The following PACRG variants were observed in gnomAD, a reference collection of about 807,000 sequenced individuals.
The protein encoded by PACRG is parkin coregulated gene protein.
PACRG carries 29 observed loss-of-function variants against 29.7 expected under a neutral mutation model. That is an observed-to-expected ratio of 0.98 (90% CI 0.73 to 1.33). The LOEUF is 1.33. Among genes scored for constraint, PACRG ranks in the 40% most tolerant of loss-of-function variants. The probability of loss-of-function intolerance (pLI) is 0.00; values close to 1 mark genes in which losing one functional copy is unlikely to be tolerated. For missense variants in PACRG, 279 were observed against 316.2 expected (o/e 0.88, Z 0.89); for synonymous variants, 116 against 118.7 (o/e 0.98, Z 0.15).
intron 2 of PACRG, among the ~76,000 whole-genome samples, chr6:163,012,565 G>T (rs1328174129): frequency 6.6e-6 from 1 of 152,210 alleles, no homozygotes; most frequent in Non-Finnish European, 1.5e-5. Flanking sequence ...GCCCTGGCAG[G>T]TGCTTTCTCA....
At chr6:163,309,612 C>T (rs1785330127) in intron 4 of PACRG, among the ~76,000 whole-genome samples, 1 of 152,228 alleles carries the variant, frequency 6.6e-6, no homozygotes, top group Non-Finnish European at 1.5e-5. Flanking sequence ...TCAGTCACCT[C>T]TTAACCATTT....
intron 2 of PACRG, among the ~76,000 whole-genome samples, chr6:163,013,616 A>G (rs1317664167): frequency 6.6e-6 from 1 of 152,182 alleles, no homozygotes; most frequent in Admixed American, 6.5e-5. Context: ...GGAGCTGTGC[A>G]CATCTGAATG....
At chr6:163,010,715 C>T (rs1805529837) in intron 2 of PACRG, among the ~76,000 whole-genome samples, 3 of 152,330 alleles carry the variant, frequency 2.0e-5, no homozygotes, top group Admixed American at 6.5e-5. Flanking sequence ...ATTGCAAATT[C>T]GGTCACTCAA....
rs554465194 is a variant in PACRG, at chr6:162,882,139, A to G, written c.291+67858A>G. On this transcript the variant is annotated intron_variant, in intron 2 of 4. Coordinates refer to ENST00000366888, the MANE Select transcript of PACRG (RefSeq NM_001080379.2). The stretch of plus-strand genomic sequence containing the variant: ...GAACAGAGACCAAGGGGTGATCTCT[A>G]CCAAGACCAGAGACCCGGGGGCGCT... Among the ~76,000 whole-genome samples, 25 of 140,130 alleles carry G rather than the reference A, an allele frequency of 1.8e-4. No homozygotes were observed. In the South Asian group the frequency reaches 6.4e-3, roughly 36 times the overall value. 91.9% of individuals were successfully genotyped at this position (140,130 alleles called of 152,430 possible). A position where few individuals can be genotyped will look rare whatever the true frequency, so the allele number is the denominator to read the frequency against.
intron 4 of PACRG, among the ~76,000 whole-genome samples, chr6:163,273,777 T>C (rs1360457624): frequency 2.0e-5 from 3 of 152,158 alleles, no homozygotes; most frequent in Non-Finnish European, 4.4e-5. Context: ...AAGCCATCTT[T>C]TGGACTTATT....
At chr6:163,240,251 G>A (rs1304471751) in intron 4 of PACRG, among the ~76,000 whole-genome samples, 1 of 149,390 alleles carries the variant, frequency 6.7e-6, no homozygotes, top group Non-Finnish European at 1.5e-5. Flanking sequence ...GGAGGAGGAG[G>A]GGGGGACGTG....
At chr6:163,053,214 T>C (rs1304099823) in intron 2 of PACRG, among the ~76,000 whole-genome samples, 1 of 152,152 alleles carries the variant, frequency 6.6e-6, no homozygotes, top group Non-Finnish European at 1.5e-5. Flanking sequence ...AAAATGACTA[T>C]TTGTGAATCT....
chr6:163,085,517 C>A (rs1813476647), intron 3 of PACRG, among the ~76,000 whole-genome samples: 1 of 152,180 alleles, frequency 6.6e-6, no homozygotes, highest in Non-Finnish European at 1.5e-5. Context: ...CAAACGATCC[C>A]AAGAAAGACA....
chr6:162,758,799 T>C (rs985536857), intron 1 of PACRG, among the ~76,000 whole-genome samples: 5 of 152,188 alleles, frequency 3.3e-5, no homozygotes, highest in Admixed American at 6.5e-5. Context: ...ACATTTGCTA[T>C]TTTTATTCAT....
At chr6:162,995,030 G>C (rs906368012) in intron 2 of PACRG, among the ~76,000 whole-genome samples, 2 of 151,052 alleles carry the variant, frequency 1.3e-5, no homozygotes, top group African/African-American at 4.9e-5. Context: ...CCTGCTGGGG[G>C]GTGCCTCCCA....
intron 1 of PACRG, among the ~76,000 whole-genome samples, chr6:162,771,799 C>A (rs1456977149): frequency 6.6e-6 from 1 of 152,002 alleles, no homozygotes; most frequent in Non-Finnish European, 1.5e-5. Flanking sequence ...AAAGTGTATT[C>A]CATTTATTAT....
chr6:163,297,126 C>T (rs562942142), intron 4 of PACRG, among the ~76,000 whole-genome samples: 7 of 152,246 alleles, frequency 4.6e-5, no homozygotes, highest in African/African-American at 9.6e-5. Context: ...TTTCTTCCTG[C>T]GACGAAGCTT....
At chr6:163,240,946 C>T (rs1169263238) in intron 4 of PACRG, among the ~76,000 whole-genome samples, 5 of 152,200 alleles carry the variant, frequency 3.3e-5, no homozygotes, top group Non-Finnish European at 5.9e-5. Flanking sequence ...AAAGACTTCT[C>T]ATAACATCTG....
At chr6:162,985,987 T>G (rs1318469538) in intron 2 of PACRG, among the ~76,000 whole-genome samples, 1 of 151,686 alleles carries the variant, frequency 6.6e-6, no homozygotes, top group African/African-American at 2.4e-5. Flanking sequence ...AATAAAATAC[T>G]TAGGAATGTA....
At position 163,078,223 on chromosome 6, in the gene PACRG, G is replaced by A. The variant is rs189364794; in HGVS notation, c.464-11036G>A. Among the ~76,000 whole-genome samples the A allele has an allele frequency of 1.6e-3, 251 of 152,250 alleles. 1 individual carries two copies. Among genetic ancestry groups the A allele is most frequent in the African/African-American group, 4.6e-3 (192 of 41,560 alleles). Reference sequence around the variant, plus strand: ...CTTATAAAATTGGGGCAATAGGACCGGGCGCAGTGGCTCACACCTGTAATC... The same window carrying A: ...CTTATAAAATTGGGGCAATAGGACCAGGCGCAGTGGCTCACACCTGTAATC... On this transcript the variant is annotated intron_variant, in intron 3 of 4. Transcript: ENST00000366888.
chr6:162,889,050 G>A (rs114232019), intron 2 of PACRG, among the ~76,000 whole-genome samples: 1,783 of 152,260 alleles, frequency 0.012, 32 homozygotes, highest in African/African-American at 0.041. Context: ...GTCAAAAAAT[G>A]AGCATTATTT....
intron 4 of PACRG, among the ~76,000 whole-genome samples, chr6:163,234,238 G>A (rs1183299066): frequency 7.6e-5 from 6 of 78,530 alleles, no homozygotes; most frequent in African/African-American, 5.1e-4. Context: ...TTGAAGTGAG[G>A]CCTGGTGGGA....
At chr6:163,177,273 A>G (rs1779407532) in intron 4 of PACRG, among the ~76,000 whole-genome samples, 1 of 152,204 alleles carries the variant, frequency 6.6e-6, no homozygotes, top group Admixed American at 6.5e-5. Flanking sequence ...TAAACTGAGT[A>G]CAATTACCAA....
intron 2 of PACRG, among the ~76,000 whole-genome samples, chr6:162,989,117 G>GGCAGATT (rs1352333101): frequency 1.1e-4 from 16 of 152,198 alleles, no homozygotes; most frequent in Admixed American, 9.8e-4. Flanking sequence ...TAGAGAAGGG[G>GGCAGATT]GCAGATTAAG....
Sources: allele counts gnomAD v4.1 joint callset (sites outside exome capture counted in the v4.1 genomes callset), GRCh38; gene constraint gnomAD v4.1.1; transcripts MANE v1.5; gene names NCBI Gene and HGNC (gene_info 2026-07-23, HGNC 2026-07-21).